Variants in EMG1 observed in about 807,000 individuals in gnomAD.
The protein encoded by EMG1 is ribosomal RNA small subunit methyltransferase NEP1.
In EMG1, 24 loss-of-function variants were observed where a neutral mutation model predicts 26.9. That is an observed-to-expected ratio of 0.89 (90% CI 0.65 to 1.26). The LOEUF is 1.26. EMG1 is among the 50% of genes most tolerant of loss of function. The pLI is 0.00. For missense variants in EMG1, 299 were observed against 307.6 expected (o/e 0.97, Z 0.21); for synonymous variants, 140 against 112.6 (o/e 1.24, Z -1.54).
rs782793844 is a variant in EMG1 at position 6,974,357 on chromosome 12, C to G, written c.187C>G (p.Leu63Val). 4 of 1,612,676 alleles carry G rather than the reference C, an allele frequency of 2.5e-6. No individual in the cohort carries two copies. Among genetic ancestry groups the G allele is most frequent in the Non-Finnish European group, 3.4e-6 (4 of 1,178,990 alleles). Residue 63 changes from leucine (L) to valine (V), a missense_variant, in exon 2 of 6, where the codon CTA (leucine) becomes GTA (valine). By Grantham distance (32) the Leu-to-Val change is conservative. Coordinates refer to ENST00000599672, the MANE Select transcript of EMG1 (RefSeq NM_006331.8). The part of the protein sequence containing the change: ...ETVKVGKTYE[L>V]LNCDKHKSIL... ...TCTTCAGGTAGGGAAGACATATGAGCTACTCAACTGTGACAAGCACAAGTC... is the reference window on the plus strand; with the variant it reads ...TCTTCAGGTAGGGAAGACATATGAGGTACTCAACTGTGACAAGCACAAGTC...
At chr12:6,996,629 A>G (rs1243381253) in intron 7 of EMG1, among the ~76,000 whole-genome samples, 1 of 152,202 alleles carries the variant, frequency 6.6e-6, no homozygotes, top group Non-Finnish European at 1.5e-5. Context: ...AGTCAATACA[A>G]TATTTATTAA....
downstream of EMG1, among the ~76,000 whole-genome samples, chr12:6,989,459 C>T (rs189826701): frequency 1.9e-3 from 284 of 151,982 alleles, 1 homozygote; most frequent in African/African-American, 5.8e-3. Context: ...TACAGGCGCC[C>T]GCCATCACGC....
downstream of EMG1, among the ~76,000 whole-genome samples, chr12:6,989,464 T>C (rs782043752): frequency 3.9e-5 from 6 of 151,980 alleles, no homozygotes; most frequent in South Asian, 4.2e-4. Context: ...GCGCCCGCCA[T>C]CACGCCCAGC....
chr12:6,977,693 G>C lies in EMG1; in HGVS notation c.*1884G>C, dbSNP rs1946423658. The C allele has an allele frequency of 5.0e-6, 8 of 1,614,228 alleles. No homozygotes were observed. Among genetic ancestry groups the C allele is most frequent in the Non-Finnish European group, 6.8e-6 (8 of 1,180,052 alleles). On this transcript the variant is annotated 3_prime_UTR_variant, in exon 6 of 6. Coordinates refer to ENST00000599672, the MANE Select transcript of EMG1 (RefSeq NM_006331.8). This position sits in a 1 kb window ranked among gnomAD's most constrained non-coding sequence, Gnocchi z 4.5. Reference sequence around the variant, plus strand: ...CAGAGGGCCAGGAATAGCAACGAGAGACCCTGAGAGAGTTCTTTATTTCCA... The same window carrying C: ...CAGAGGGCCAGGAATAGCAACGAGACACCCTGAGAGAGTTCTTTATTTCCA...
chr12:6,976,156 T>C lies in EMG1; in HGVS notation c.*347T>C, dbSNP rs1946397254. The C allele has an allele frequency of 4.8e-6, 1 of 207,688 alleles. No individual in the cohort carries two copies. The highest frequency in any genetic ancestry group is 9.7e-6 in the Non-Finnish European group (1 of 103,282). The allele number at this position is 207,688 out of a possible 1,614,324, so 12.9% of individuals were successfully genotyped here. A position where few individuals can be genotyped will look rare whatever the true frequency, so the allele number is the denominator to read the frequency against. On this transcript the variant is annotated 3_prime_UTR_variant, in exon 6 of 6. Transcript: ENST00000599672. The stretch of plus-strand genomic sequence containing the variant: ...GAACCCTGATGATGGAGAAGAACTG[T>C]GAAAGAGAGCAGTCAGGAATGCTAG...
intron 3 of EMG1, 149 bp downstream of exon 3, chr12:6,974,842 T>G: frequency 1.0e-6 from 1 of 973,704 alleles, no homozygotes; most frequent in Non-Finnish European, 1.6e-6. Flanking sequence ...ATTATTTTTC[T>G]ATGTTTGTGG....
chr12:6,994,763 C>T (rs1946622706), intron 7 of EMG1, among the ~76,000 whole-genome samples: 1 of 152,202 alleles, frequency 6.6e-6, no homozygotes, highest in South Asian at 2.1e-4. Flanking sequence ...CCAATGTTCA[C>T]TCTTACTTTC....
chr12:6,974,230 A>C (rs1946365622), intron 1 of EMG1, 109 bp from the exon 2 acceptor site: 1 of 792,080 alleles, frequency 1.3e-6, no homozygotes, highest in South Asian at 1.5e-5. Context: ...TTGCCTAACA[A>C]GTTTCCAGGT....
downstream of EMG1, among the ~76,000 whole-genome samples, chr12:6,984,721 G>C (rs1459768478): frequency 6.6e-6 from 1 of 152,028 alleles, no homozygotes; most frequent in Admixed American, 6.6e-5. Flanking sequence ...TGAGTAGCTG[G>C]GACCACAGGT....
Position 6,971,159 on chromosome 12 carries a change from G to A in EMG1, c.168+68G>A, listed in dbSNP as rs1591705361. On this transcript the variant is annotated intron_variant, in intron 1 of 5. Transcript: ENST00000599672. ...TGGGACTCCGTGGAATGAGGGTAAG[G>A]GGCCCAGAGTGGATGTAGAAAGCAG... The A allele has an allele frequency of 5.9e-6, 8 of 1,351,848 alleles. No individual in the cohort carries two copies. In the East Asian group the frequency reaches 1.5e-4, roughly 25 times the overall value. 83.7% of individuals were successfully genotyped at this position (1,351,848 alleles called of 1,614,324 possible). A position where few individuals can be genotyped will look rare whatever the true frequency, so the allele number is the denominator to read the frequency against.
chr12:6,978,461 T>C lies in EMG1; in HGVS notation c.*2652T>C, dbSNP rs1555153611. 1 of 1,614,120 alleles carries C rather than the reference T, an allele frequency of 6.2e-7. No homozygotes were observed. Among genetic ancestry groups the C allele is most frequent in the Admixed American group, 1.7e-5 (1 of 60,010 alleles). ...GGCATCCCACTTTGCCTTGCCCTTTTCTTCAAAGCCATTGAAGCCCAGGCC... is the reference window on the plus strand; with the variant it reads ...GGCATCCCACTTTGCCTTGCCCTTTCCTTCAAAGCCATTGAAGCCCAGGCC... On this transcript the variant is annotated 3_prime_UTR_variant, in exon 6 of 6. Coordinates refer to ENST00000599672, the MANE Select transcript of EMG1 (RefSeq NM_006331.8).
chr12:6,972,002 G>A (rs1946335917), intron 1 of EMG1, among the ~76,000 whole-genome samples: 1 of 152,018 alleles, frequency 6.6e-6, no homozygotes, highest in African/African-American at 2.4e-5. Flanking sequence ...TAATTGAATA[G>A]GCCCAGAAGA....
At chr12:6,980,151 G>A (rs781944320), downstream of EMG1, among the ~76,000 whole-genome samples, 140 of 151,316 alleles carry the variant, frequency 9.3e-4, no homozygotes, top group African/African-American at 3.4e-3. Flanking sequence ...GGGCTCAAGC[G>A]ATCCCCTTGC....
At chr12:6,991,663 G>A (rs782606224), downstream of EMG1, among the ~76,000 whole-genome samples, 4 of 152,178 alleles carry the variant, frequency 2.6e-5, no homozygotes, top group Admixed American at 1.3e-4. Flanking sequence ...TTACCTTGAA[G>A]TGACAGGCTC....
downstream of EMG1, among the ~76,000 whole-genome samples, chr12:6,992,787 T>C (rs1439704958): frequency 6.6e-6 from 1 of 152,198 alleles, no homozygotes; most frequent in Non-Finnish European, 1.5e-5. Context: ...TCTCTTGGTG[T>C]CCATGAAGGA....
At position 6,977,682 on chromosome 12, in the gene EMG1, T is replaced by C; in HGVS notation, c.*1873T>C. 2 of 1,614,184 alleles carry C rather than the reference T, an allele frequency of 1.2e-6. No homozygotes were observed. Among genetic ancestry groups the C allele is most frequent in the Middle Eastern group, 1.6e-4 (1 of 6,062 alleles). ...GCAGGCCGTGCCAGAGGGCCAGGAA[T>C]AGCAACGAGAGACCCTGAGAGAGTT... On this transcript the variant is annotated 3_prime_UTR_variant, in exon 6 of 6. Transcript: ENST00000599672. The surrounding 1 kb of genome is among the most constrained non-coding windows in gnomAD (Gnocchi z 4.5).
At chr12:6,990,487 C>T (rs995656220), downstream of EMG1, among the ~76,000 whole-genome samples, 18 of 148,918 alleles carry the variant, frequency 1.2e-4, no homozygotes, top group Non-Finnish European at 2.1e-4. Context: ...CCAGCCTGGG[C>T]GACACAGTGA....
At position 6,978,020 on chromosome 12, in the gene EMG1, C is replaced by T. The variant is rs180849908; in HGVS notation, c.*2211C>T. 1.8e-6 allele frequency: 1 copy of T among 563,386 alleles called. No homozygotes were observed. Among genetic ancestry groups the T allele is most frequent in the East Asian group, 3.0e-5 (1 of 32,844 alleles). 34.9% of individuals were successfully genotyped at this position (563,386 alleles called of 1,614,324 possible). A position where few individuals can be genotyped will look rare whatever the true frequency, so the allele number is the denominator to read the frequency against. The stretch of plus-strand genomic sequence containing the variant: ...TCAGTGGTGAACCAGACACTCTACT[C>T]AAGCTGCCCACACTCTAGTGGTGGG... On this transcript the variant is annotated 3_prime_UTR_variant, in exon 6 of 6. Transcript: ENST00000599672.
downstream of EMG1, chr12:6,983,113 C>T (rs1347230398): frequency 2.0e-5 from 10 of 499,866 alleles, no homozygotes; most frequent in Admixed American, 3.0e-4. Flanking sequence ...TTTTGAATGT[C>T]TGAAGTGAAG....
Sources: gnomAD v4.1 joint callset for allele counts (sites outside exome capture counted in the v4.1 genomes callset) on GRCh38, gnomAD v4.1.1 for gene constraint, Gnocchi (gnomAD v3.1) non-coding constraint, MANE v1.5 for transcripts, NCBI Gene and HGNC (gene_info 2026-07-23, HGNC 2026-07-21) for gene names.